Variants in MSTO1 observed in about 807,000 individuals in gnomAD.
MSTO1 encodes misato mitochondrial distribution and morphology regulator 1.
MSTO1 carries 24 observed loss-of-function variants against 55.7 expected under a neutral mutation model. The observed-to-expected ratio is 0.43, with a 90% CI of 0.31 to 0.61. The LOEUF (loss-of-function observed/expected upper bound fraction) is 0.61. Among genes scored for constraint, MSTO1 ranks in the 20% least tolerant of loss-of-function variants. The pLI, the probability that MSTO1 is intolerant of heterozygous loss-of-function variation, is 0.09. For missense variants in MSTO1, 363 were observed against 625.7 expected, an observed-to-expected ratio of 0.58 and a Z score of 4.48; for synonymous variants, 162 against 252.8, an observed-to-expected ratio of 0.64 and a Z score of 3.41.
chr1:155,594,957 C>T, the MSTO1 span, among the ~76,000 whole-genome samples: 86 of 151,912 alleles, frequency 5.7e-4, no homozygotes, highest in Non-Finnish European at 3.7e-4. Flanking sequence ...GCCAACATGG[C>T]GAAACCCCGT....
chr1:155,585,320 G>A, the MSTO1 span, among the ~76,000 whole-genome samples: 1 of 152,070 alleles, frequency 6.6e-6, no homozygotes, highest in Non-Finnish European at 1.5e-5. Flanking sequence ...TCAGGAGATC[G>A]ATACCATCCT....
At position 155,611,293 on chromosome 1, in the gene MSTO1, T is replaced by G. The variant is rs1278624677; in HGVS notation, c.366+2T>G. The G allele has an allele frequency of 1.2e-6, 2 of 1,613,480 alleles. No homozygotes were observed. The highest frequency in any genetic ancestry group is 1.7e-6 in the Non-Finnish European group (2 of 1,179,748). On this transcript the variant is annotated splice_donor_variant, in intron 4 of 13. Transcript: ENST00000245564. LOFTEE classifies it high-confidence loss of function. Reference sequence around the variant, plus strand: ...CTCCAAGACTTTCTGAGTGCAGAGGTGAGGGCCTCTGTCCTGAACTTTTTA... The same window carrying G: ...CTCCAAGACTTTCTGAGTGCAGAGGGGAGGGCCTCTGTCCTGAACTTTTTA...
chr1:155,565,813 G>A, the MSTO1 span, among the ~76,000 whole-genome samples: 4 of 152,280 alleles, frequency 2.6e-5, no homozygotes. Flanking sequence ...TATATTAAGT[G>A]CTCAATAAAA....
upstream of MSTO1, among the ~76,000 whole-genome samples, chr1:155,609,241 A>T (rs200393774): frequency 0.5 from 24,194 of 48,016 alleles, 6,050 homozygotes; most frequent in Non-Finnish European, 0.59. Flanking sequence ...ATATATATAT[A>T]TATTTTTTTT....
chr1:155,609,216 AG>A (rs1482578934), upstream of MSTO1, among the ~76,000 whole-genome samples: 1 of 103,716 alleles, frequency 9.6e-6, no homozygotes, highest in African/African-American at 3.3e-5. Context: ...TATTATCAGC[AG>A]TATATATATA....
At chr1:155,564,123 A>T in the MSTO1 span, among the ~76,000 whole-genome samples, 2 of 152,210 alleles carry the variant, frequency 1.3e-5, no homozygotes, top group Non-Finnish European at 2.9e-5. Flanking sequence ...TACCGGAAGG[A>T]TCTACTTGGG....
chr1:155,575,796 T>A, the MSTO1 span, among the ~76,000 whole-genome samples: 533 of 144,720 alleles, frequency 3.7e-3, 2 homozygotes, highest in East Asian at 0.013. Flanking sequence ...CTTATTTTAT[T>A]TTTATTTATT....
At chr1:155,576,717 C>A in the MSTO1 span, among the ~76,000 whole-genome samples, 3 of 150,972 alleles carry the variant, frequency 2.0e-5, no homozygotes, top group Non-Finnish European at 4.4e-5. Flanking sequence ...GTATTTTCTG[C>A]TATAGAAAAT....
chr1:155,591,049 G>C, the MSTO1 span: 2 of 1,613,764 alleles, frequency 1.2e-6, no homozygotes, highest in Non-Finnish European at 8.5e-7. Flanking sequence ...CTGTGGCAGC[G>C]CCAGCAGTGA....
rs1675167981 is a variant in MSTO1, at chr1:155,614,283, T to A, written c.*10T>A. ...CAGCCTCGTGGACTAAAGTTCCCAG[T>A]GTGGGAGAAAGGAGCTAGTTTGCAA... On this transcript the variant is annotated 3_prime_UTR_variant, in exon 14 of 14. Transcript: ENST00000245564. 1.6e-6 allele frequency: 1 copy of A among 625,712 alleles called. No individual in the cohort carries two copies. Among genetic ancestry groups the A allele is most frequent in the South Asian group, 2.0e-5 (1 of 50,268 alleles). 38.8% of individuals were successfully genotyped at this position (625,712 alleles called of 1,614,324 possible).
chr1:155,612,282 C>G lies in MSTO1; in HGVS notation c.779C>G (p.Thr260Ser). 3 of 1,590,638 alleles carry G rather than the reference C, an allele frequency of 1.9e-6. No homozygotes were observed. The highest frequency in any genetic ancestry group is 2.6e-6 in the Non-Finnish European group (3 of 1,167,066). Reference sequence around the variant, plus strand: ...GAATATTCAGGGCGGGGAATAATAACCTGGGGCCTGCTACCTGGTCCCTAC... The same window carrying G: ...GAATATTCAGGGCGGGGAATAATAAGCTGGGGCCTGCTACCTGGTCCCTAC... ...QDEYSGRGII[T>S]WGLLPGPYHR... The change falls in exon 8 of 14, where the codon ACC (threonine) becomes AGC (serine). Residue 260 changes from threonine to serine, a missense_variant. Coordinates refer to ENST00000245564, the MANE Select transcript of MSTO1 (RefSeq NM_018116.4).
upstream of MSTO1, among the ~76,000 whole-genome samples, chr1:155,606,197 C>CATTTTTTTTTTTTTTTTT (rs1558242399): frequency 1.9e-5 from 1 of 53,294 alleles, no homozygotes; most frequent in African/African-American, 7.1e-5. Flanking sequence ...CCATGCCCAG[C>CATTTTTTTTTTTTTTTTT]CTTTTTTTTT....
the MSTO1 span, among the ~76,000 whole-genome samples, chr1:155,576,352 G>A: frequency 1.3e-4 from 19 of 151,816 alleles, no homozygotes; most frequent in Non-Finnish European, 2.4e-4. Flanking sequence ...TGTTTTTTGA[G>A]ACGGAGTCTC....
chr1:155,566,528 G>A, the MSTO1 span, among the ~76,000 whole-genome samples: 7 of 152,080 alleles, frequency 4.6e-5, no homozygotes, highest in East Asian at 7.7e-4. Flanking sequence ...TGAGGCTACC[G>A]TGAGCCATGA....
the MSTO1 span, among the ~76,000 whole-genome samples, chr1:155,569,834 ATATTTG>A: frequency 6.6e-6 from 1 of 152,084 alleles, no homozygotes; most frequent in Non-Finnish European, 1.5e-5. Flanking sequence ...GGATTTTGGA[ATATTTG>A]TATTATACCT....
upstream of MSTO1, among the ~76,000 whole-genome samples, chr1:155,609,243 A>ATATATATTTTTTTTTTT (rs59756178): frequency 1.8e-5 from 1 of 54,578 alleles, no homozygotes; most frequent in Non-Finnish European, 3.0e-5. Context: ...ATATATATAT[A>ATATATATTTTTTTTTTT]TTTTTTTTTT....
chr1:155,590,985 G>C, the MSTO1 span: 11 of 1,613,968 alleles, frequency 6.8e-6, no homozygotes, highest in East Asian at 2.2e-5. Context: ...CCAGCAAGCC[G>C]AACAGGGCCA....
chr1:155,603,604 T>C, the MSTO1 span, among the ~76,000 whole-genome samples: 1 of 152,146 alleles, frequency 6.6e-6, no homozygotes, highest in South Asian at 2.1e-4. Context: ...ACGTCTGTAA[T>C]CCCAGCACTT....
the MSTO1 span, among the ~76,000 whole-genome samples, chr1:155,592,991 A>C: frequency 6.6e-6 from 1 of 151,954 alleles, no homozygotes; most frequent in Non-Finnish European, 1.5e-5. Flanking sequence ...GGCTCACTGC[A>C]ACCTCCACCT....
Sources: gnomAD v4.1 joint callset for allele counts (sites outside exome capture counted in the v4.1 genomes callset) on GRCh38, gnomAD v4.1.1 for gene constraint, MANE v1.5 for transcripts, NCBI Gene and HGNC (gene_info 2026-07-23, HGNC 2026-07-21) for gene names.